Variants in STARD9 observed in about 807,000 individuals in gnomAD.
STARD9 encodes the protein StAR related lipid transfer domain containing 9.
A neutral mutation model predicts 399.8 loss-of-function variants in STARD9; 346 were observed. The observed-to-expected ratio is 0.87, with a 90% CI of 0.79 to 0.95. STARD9 has a LOEUF of 0.95. Ranked by LOEUF, STARD9 falls within the 40% of genes least tolerant of loss-of-function variation. The probability of loss-of-function intolerance (pLI) is 0.00; values close to 1 mark genes in which losing one functional copy is unlikely to be tolerated. For missense variants in STARD9, 5,832 were observed against 5,667.5 expected (o/e 1.03, Z -0.93); for synonymous variants, 2,203 against 2,143.5 (o/e 1.03, Z -0.77).
intron 9 of STARD9, among the ~76,000 whole-genome samples, chr15:42,658,496 TTAA>T (rs1282104255): frequency 6.8e-6 from 1 of 148,102 alleles, no homozygotes; most frequent in Non-Finnish European, 1.5e-5. Context: ...TTTTTTTTTT[TTAA>T]TGAGACTGAT....
At position 42,690,291 on chromosome 15, in the gene STARD9, C is replaced by T. The variant is rs374469546; in HGVS notation, c.8713C>T (p.Pro2905Ser). ...GCCAATTCCACTGCCAGATCAAAGACCAAGCGCAAATCCTGGGGGAATTGG... is the reference window on the plus strand; with the variant it reads ...GCCAATTCCACTGCCAGATCAAAGATCAAGCGCAAATCCTGGGGGAATTGG... The part of the protein sequence containing the change: ...SRPIPLPDQR[P>S]SANPGGIGEE... The change falls in exon 23 of 33, where the codon CCA becomes TCA. Residue 2905 changes from proline (P) to serine (S), a missense_variant. Around this residue, in one of 2 missense-constraint regions of STARD9, gnomAD observed 5,828 missense variants for 5,651.1 expected, o/e 1.03. Transcript: ENST00000290607. The T allele has an allele frequency of 6.5e-7, 1 of 1,537,306 alleles. No homozygotes were observed. The highest frequency in any genetic ancestry group is 2.4e-5 in the East Asian group (1 of 40,922).
chr15:42,580,543 T>C (rs183576986), intron 1 of STARD9, among the ~76,000 whole-genome samples: 17 of 151,968 alleles, frequency 1.1e-4, no homozygotes, highest in South Asian at 2.1e-4. Flanking sequence ...CTAGAAGGCG[T>C]GGTGGCTCAC....
chr15:42,637,837 C>A, intron 4 of STARD9, 70 bp from the exon 5 acceptor site: 1 of 1,481,454 alleles, frequency 6.8e-7, no homozygotes, highest in South Asian at 1.2e-5. Flanking sequence ...GAGGATGGTT[C>A]CTGGGTATTC....
intron 3 of STARD9, among the ~76,000 whole-genome samples, chr15:42,604,891 C>A (rs1163744631): frequency 6.6e-6 from 1 of 152,098 alleles, no homozygotes; most frequent in African/African-American, 2.4e-5. Flanking sequence ...GATCCATCCA[C>A]CTCAGCCTCC....
At chr15:42,612,262 G>C (rs1342531270) in intron 3 of STARD9, among the ~76,000 whole-genome samples, 2 of 152,182 alleles carry the variant, frequency 1.3e-5, no homozygotes. Context: ...ACAGGCCGGA[G>C]CCACCTCGCC....
rs2140296839 is a variant in STARD9, at chr15:42,693,272, C to T, written c.11694C>T (p.Ser3898=). The T allele has an allele frequency of 6.5e-7, 1 of 1,537,128 alleles. No individual in the cohort carries two copies. The highest frequency in any genetic ancestry group is 2.4e-5 in the East Asian group (1 of 40,912). ...PTSALFVDRA[S]SPILTLSAST... is the part of the protein sequence containing the mutation. Reference sequence around the variant, plus strand: ...GTGCTTTGTTCGTGGACAGGGCCTCCTCCCCAATCCTCACTCTTAGTGCCA... The same window carrying T: ...GTGCTTTGTTCGTGGACAGGGCCTCTTCCCCAATCCTCACTCTTAGTGCCA... Residue 3898 remains serine, a synonymous_variant, in exon 23 of 33, where the codon TCC becomes TCT. Transcript: ENST00000290607.
At chr15:42,650,081 G>A (rs1480043502) in intron 7 of STARD9, among the ~76,000 whole-genome samples, 4 of 151,710 alleles carry the variant, frequency 2.6e-5, no homozygotes, top group Non-Finnish European at 4.4e-5. Context: ...CGCCAGGCTA[G>A]TCTCAAACTC....
chr15:42,611,959 C>T (rs2058858503), intron 3 of STARD9, among the ~76,000 whole-genome samples: 1 of 152,112 alleles, frequency 6.6e-6, no homozygotes, highest in Non-Finnish European at 1.5e-5. Flanking sequence ...TTGGCATACC[C>T]TTATTAACAT....
intron 1 of STARD9, chr15:42,581,568 G>A: frequency 1.0e-6 from 1 of 970,112 alleles, no homozygotes; most frequent in East Asian, 2.6e-5. Flanking sequence ...CCTAGGGCGG[G>A]TGGAAAAGCG....
At position 42,663,421 on chromosome 15, in the gene STARD9, C is replaced by T. The variant is rs778867047; in HGVS notation, c.1009C>T (p.Arg337Ter). 8.5e-6 allele frequency: 13 copies of T among 1,537,288 alleles called. No homozygotes were observed. The highest frequency in any genetic ancestry group is 1.7e-4 in the Middle Eastern group (1 of 5,990). Residue 337 changes from arginine to a stop codon, truncating the protein, a stop_gained, in exon 12 of 33, where the codon CGA (arginine) becomes TGA (stop). Transcript: ENST00000290607. LOFTEE classifies it high-confidence loss of function. ...CCGAAGGCAGTCTTATATCCCATAC[C>T]GAGACTCTGTGTTGACCTGGCTGCT... is the stretch of plus-strand genomic sequence containing the variant. ...PSRRQSYIPYRDSVLTWLLKD... is the reference protein window; with the variant it reads ...PSRRQSYIPY
chr15:42,617,448 C>A (rs1381224106), intron 3 of STARD9, among the ~76,000 whole-genome samples: 1 of 151,646 alleles, frequency 6.6e-6, no homozygotes, highest in East Asian at 1.9e-4. Context: ...CTGCAACCTA[C>A]TCCTCCCAGG....
chr15:42,592,269 A>T (rs990049062), intron 3 of STARD9, among the ~76,000 whole-genome samples: 1 of 152,118 alleles, frequency 6.6e-6, no homozygotes, highest in Non-Finnish European at 1.5e-5. Flanking sequence ...ATTCAACACT[A>T]TGCTGCAGTA....
chr15:42,713,514 A>C (rs1334748059), intron 26 of STARD9, among the ~76,000 whole-genome samples: 2 of 152,190 alleles, frequency 1.3e-5, no homozygotes, highest in Middle Eastern at 3.2e-3. Flanking sequence ...ATTAAGTATG[A>C]TGTTAACTGT....
At chr15:42,659,585 G>A (rs1481862191) in intron 9 of STARD9, among the ~76,000 whole-genome samples, 1 of 152,192 alleles carries the variant, frequency 6.6e-6, no homozygotes. Context: ...GAGGGGCAGT[G>A]GCGCGATCTT....
At chr15:42,629,217 C>T (rs2059283001) in intron 3 of STARD9, among the ~76,000 whole-genome samples, 1 of 152,112 alleles carries the variant, frequency 6.6e-6, no homozygotes, top group Admixed American at 6.6e-5. Context: ...GACAAGGTCT[C>T]ACCATGTTGC....
intron 26 of STARD9, among the ~76,000 whole-genome samples, chr15:42,715,119 C>CT (rs2061327400): frequency 6.6e-6 from 1 of 151,686 alleles, no homozygotes; most frequent in African/African-American, 2.4e-5. Context: ...AAGCCGGGGC[C>CT]TCTGGAAGTG....
At chr15:42,600,915 A>G (rs953225728) in intron 3 of STARD9, among the ~76,000 whole-genome samples, 4 of 122,592 alleles carry the variant, frequency 3.3e-5, no homozygotes, top group African/African-American at 9.7e-5. Context: ...TTTCTCGGAG[A>G]GGGGGATTTG....
chr15:42,601,995 T>C (rs1277659799), intron 3 of STARD9, among the ~76,000 whole-genome samples: 5 of 152,194 alleles, frequency 3.3e-5, no homozygotes, highest in Non-Finnish European at 7.4e-5. Context: ...TACAGGTGCG[T>C]GTCACCACGC....
chr15:42,638,230 C>A, intron 6 of STARD9, 143 bp downstream of exon 6: 1 of 740,248 alleles, frequency 1.4e-6, no homozygotes, highest in Non-Finnish European at 2.2e-6. Context: ...AGTACAAGAG[C>A]TGAGAAAGAT....
Sources: allele counts gnomAD v4.1 joint callset (sites outside exome capture counted in the v4.1 genomes callset), GRCh38; gene constraint gnomAD v4.1.1; regional missense constraint gnomAD v4.1.1; transcripts MANE v1.5; gene names NCBI Gene and HGNC (gene_info 2026-07-23, HGNC 2026-07-21).